Variants in PIGT observed in about 807,000 individuals in gnomAD.
PIGT encodes the protein phosphatidylinositol glycan anchor biosynthesis class T, also known as GPI-anchor transamidase component PIGT.
PIGT carries 57 observed loss-of-function variants against 66.7 expected under a neutral mutation model. That is an observed-to-expected ratio of 0.86 (90% CI 0.69 to 1.07). PIGT has a LOEUF of 1.07. Among genes scored for constraint, PIGT ranks in the 50% least tolerant of loss-of-function variants. The pLI is 0.00. For missense variants in PIGT, 725 were observed against 740.4 expected, an observed-to-expected ratio of 0.98 and a Z score of 0.24; for synonymous variants, 362 against 320.5, an observed-to-expected ratio of 1.13 and a Z score of -1.38.
rs772688511 is a variant in PIGT at position 45,416,235 on chromosome 20, C to A, written c.79C>A (p.Arg27Ser). ...PGGWCLAEPP[R>S]DSLREELVIT... ...CGGCTGGTGCCTTGCAGAACCCCCACGCGACAGCCTGCGGGAGGAACTTGT... is the reference window on the plus strand; with the variant it reads ...CGGCTGGTGCCTTGCAGAACCCCCAAGCGACAGCCTGCGGGAGGAACTTGT... The change falls in exon 1 of 12, where the codon CGC becomes AGC. Residue 27 changes from arginine (R) to serine (S), a missense_variant. Arg to Ser is a moderately radical substitution (Grantham distance 110). Transcript: ENST00000279036. The A allele has an allele frequency of 1.9e-5, 31 of 1,597,050 alleles. No individual in the cohort carries two copies. Among genetic ancestry groups the A allele is most frequent in the Non-Finnish European group, 2.4e-5 (28 of 1,172,366 alleles).
At chr20:45,423,777 C>T in intron 9 of PIGT, 1 of 160,318 alleles carries the variant, frequency 6.2e-6, no homozygotes, top group Non-Finnish European at 1.4e-5. Flanking sequence ...GTTCCACATT[C>T]TGGGTTTGTC....
rs141198457 is a variant in PIGT at position 45,424,824 on chromosome 20, C to T, written c.1484+245C>T. 3 of 548,310 alleles carry T rather than the reference C, an allele frequency of 5.5e-6. No individual in the cohort carries two copies. The South Asian group carries it at 6.3e-5, about 12-fold the overall frequency. 34.0% of individuals were successfully genotyped at this position (548,310 alleles called of 1,614,324 possible). A position where few individuals can be genotyped will look rare whatever the true frequency, so the allele number is the denominator to read the frequency against. On this transcript the variant is annotated intron_variant, in intron 11 of 11. Coordinates refer to ENST00000279036, the MANE Select transcript of PIGT (RefSeq NM_015937.6). The stretch of plus-strand genomic sequence containing the variant: ...CAGCCTACATTTACTTCTTGATGCT[C>T]TTAAATATTTAATCAAGCACTTATC...
Position 45,419,319 on chromosome 20 carries a change from A to G in PIGT, c.518A>G (p.Tyr173Cys). The G allele has an allele frequency of 6.2e-7, 1 of 1,614,082 alleles. No individual in the cohort carries two copies. Among genetic ancestry groups the G allele is most frequent in the Non-Finnish European group, 8.5e-7 (1 of 1,179,956 alleles). ...GACACTGACCACTACTTTCTGCGCTATGCTGTGCTGCCGCGGGAGGTGGTC... is the reference window on the plus strand; with the variant it reads ...GACACTGACCACTACTTTCTGCGCTGTGCTGTGCTGCCGCGGGAGGTGGTC... ...ANDTDHYFLR[Y>C]AVLPREVVCT... Residue 173 changes from tyrosine to cysteine, a missense_variant, in exon 4 of 12, where the codon TAT (tyrosine) becomes TGT (cysteine). Around this residue, in one of 3 missense-constraint regions of PIGT, gnomAD observed 559 missense variants for 552.7 expected, o/e 1.01. Transcript: ENST00000279036.
At position 45,416,322 on chromosome 20, in the gene PIGT, T is replaced by A; in HGVS notation, c.166T>A (p.Ser56Thr). 6.3e-7 allele frequency: 1 copy of A among 1,592,420 alleles called. No homozygotes were observed. The highest frequency in any genetic ancestry group is 1.1e-5 in the South Asian group (1 of 88,532). Residue 56 changes from serine (S) to threonine (T), a missense_variant, in exon 1 of 12, where the codon TCG (serine) becomes ACG (threonine). This residue lies in a region of PIGT where 559 missense variants were observed against 552.7 expected (regional missense o/e 1.01). Transcript: ENST00000279036. ...ATFQFRTRWD[S>T]ELQREGVSHY... ...ATTCCAGTTCCGCACGCGCTGGGAT[T>A]CGGAGCTTCAGCGGGAAGGAGGTGA...
chr20:45,424,381 G>C lies in PIGT; in HGVS notation c.1400G>C (p.Ser467Thr). ...GATCCTAACCATGGCTTCTATGTCAGGTGGGCTCCACCCCCACAGGCCACC... is the reference window on the plus strand; with the variant it reads ...GATCCTAACCATGGCTTCTATGTCACGTGGGCTCCACCCCCACAGGCCACC... ...TPDPNHGFYV[S>T]PSVLSALVPS... The change falls in exon 10 of 12, where the codon AGC becomes ACC. Residue 467 changes from serine (S) to threonine (T), a missense_variant and splice_region_variant. This residue lies in a region of PIGT where 162 missense variants were observed against 171.1 expected (regional missense o/e 0.95). Coordinates refer to ENST00000279036, the MANE Select transcript of PIGT (RefSeq NM_015937.6). The C allele has an allele frequency of 6.2e-7, 1 of 1,614,078 alleles. No homozygotes were observed. The highest frequency in any genetic ancestry group is 8.5e-7 in the Non-Finnish European group (1 of 1,179,954).
rs576252021 is a variant in PIGT at position 45,426,138 on chromosome 20, C to T, written c.*312C>T. 4 of 417,572 alleles carry T rather than the reference C, an allele frequency of 9.6e-6. No individual in the cohort carries two copies. Among genetic ancestry groups the T allele is most frequent in the East Asian group, 4.6e-5 (1 of 21,654 alleles). 25.9% of individuals were successfully genotyped at this position (417,572 alleles called of 1,614,324 possible). ...AAGATTTCCATCACCACAGAAAGGT[C>T]GGCTGGCAGCACTGGCCAAGGTGAT... On this transcript the variant is annotated 3_prime_UTR_variant, in exon 12 of 12. Coordinates refer to ENST00000279036, the MANE Select transcript of PIGT (RefSeq NM_015937.6).
chr20:45,419,423 G>A, intron 4 of PIGT, 28 bp downstream of exon 4: 1 of 1,573,566 alleles, frequency 6.4e-7, no homozygotes, highest in Non-Finnish European at 8.6e-7. Context: ...GGCAGCCGGG[G>A]GCGGGGGGTG....
Position 45,424,236 on chromosome 20 carries a change from G to C in PIGT, c.1255G>C (p.Ala419Pro). Reference protein sequence around the residue: ...NKPSYIHYQPAQDRLQPHLLE... With the variant: ...NKPSYIHYQPPQDRLQPHLLE... ...TCCAGGTTACATCCACTACCAGCCT[G>C]CCCAGGACCGGCTGCAACCCCACCT... The change falls in exon 10 of 12, where the codon GCC becomes CCC. Residue 419 changes from alanine (A) to proline (P), a missense_variant. Ala to Pro is a conservative substitution (Grantham distance 27). Transcript: ENST00000279036. The C allele has an allele frequency of 6.2e-7, 1 of 1,614,164 alleles. No homozygotes were observed. The highest frequency in any genetic ancestry group is 2.2e-5 in the East Asian group (1 of 44,886).
chr20:45,416,463 G>A lies in PIGT; in HGVS notation c.188-54G>A, dbSNP rs538255371. 3.3e-5 allele frequency: 52 copies of A among 1,587,894 alleles called. No individual in the cohort carries two copies. In the African/African-American group the frequency reaches 6.8e-4, roughly 21 times the overall value. On this transcript the variant is annotated intron_variant, in intron 1 of 11. Coordinates refer to ENST00000279036, the MANE Select transcript of PIGT (RefSeq NM_015937.6). ...TTCCTGGGTAGAGTTCGGGATCCTG[G>A]GTGTGGACCCCGACGAGGTGGGGAT...
rs374558790 is a variant in PIGT at position 45,425,664 on chromosome 20, C to G, written c.1575C>G (p.Pro525=). Residue 525 remains proline, a synonymous_variant, in exon 12 of 12, where the codon CCC becomes CCG. Transcript: ENST00000279036. The part of the protein sequence containing the change: ...VNLPTPDFSM[P]YNVICLTCTV... ...TGCCGACACCGGACTTCAGCATGCC[C>G]TACAACGTGATCTGCCTCACGTGCA... The G allele has an allele frequency of 5.9e-5, 95 of 1,614,050 alleles. No individual in the cohort carries two copies. Among genetic ancestry groups the G allele is most frequent in the Non-Finnish European group, 8.0e-5 (94 of 1,180,028 alleles).
At chr20:45,423,444 A>G (rs1990508267) in intron 9 of PIGT, 1 of 151,750 alleles carries the variant, frequency 6.6e-6, no homozygotes, top group East Asian at 2.0e-4. Flanking sequence ...GGTCAAGGCT[A>G]TAGTGAGCCA....
chr20:45,416,861 C>A, intron 2 of PIGT, 167 bp downstream of exon 2: 1 of 581,826 alleles, frequency 1.7e-6, no homozygotes, highest in Non-Finnish European at 2.8e-6. Context: ...GAATAAACTT[C>A]CCAATCCTAA....
intron 9 of PIGT, chr20:45,422,591 C>T (rs1162031801): frequency 6.6e-6 from 1 of 152,038 alleles, no homozygotes; most frequent in African/African-American, 2.4e-5. Context: ...AGGCATGAAC[C>T]GCCATGCCTT....
intron 9 of PIGT, chr20:45,421,928 G>A (rs139456850): frequency 2.7e-5 from 5 of 184,284 alleles, no homozygotes; most frequent in South Asian, 1.8e-4. Context: ...GTTTGGCAAC[G>A]TTAGGCTTTT....
chr20:45,421,396 G>A lies in PIGT; in HGVS notation c.1047G>A (p.Val349=), dbSNP rs1990354977. The A allele has an allele frequency of 6.2e-7, 1 of 1,613,612 alleles. No homozygotes were observed. Among genetic ancestry groups the A allele is most frequent in the African/African-American group, 1.3e-5 (1 of 74,920 alleles). ...KRPPENEAPP[V]PFLHAQRYVS... ...TTCTTTACACAGAGGCCCCCCCAGTGCCCTTCCTGCATGCCCAGCGGTACG... is the reference window on the plus strand; with the variant it reads ...TTCTTTACACAGAGGCCCCCCCAGTACCCTTCCTGCATGCCCAGCGGTACG... The change falls in exon 9 of 12, where the codon GTG becomes GTA. Residue 349 remains valine (V), a synonymous_variant. Coordinates refer to ENST00000279036, the MANE Select transcript of PIGT (RefSeq NM_015937.6).
At chr20:45,418,072 A>G (rs1264722317) in intron 2 of PIGT, 1 of 152,408 alleles carries the variant, frequency 6.6e-6, no homozygotes, top group Admixed American at 6.5e-5. Flanking sequence ...CTGAGAGCAA[A>G]TCTCTTTTGA....
chr20:45,418,533 G>A (rs1180257777), intron 2 of PIGT: 2 of 362,512 alleles, frequency 5.5e-6, no homozygotes, highest in Non-Finnish European at 1.1e-5. Flanking sequence ...TCGTGGAGGG[G>A]AGGTAAGCAC....
Position 45,421,498 on chromosome 20 carries a change from G to A in PIGT, c.1149G>A (p.Val383=). 1 of 1,614,158 alleles carries A rather than the reference G, an allele frequency of 6.2e-7. No homozygotes were observed. Among genetic ancestry groups the A allele is most frequent in the African/African-American group, 1.3e-5 (1 of 75,054 alleles). ...YNTHPYRAFP[V]LLLDTVPWYL... Reference sequence around the variant, plus strand: ...CCCACCCATACCGGGCCTTCCCGGTGCTGCTGCTGGACACCGTACCCTGGT... The same window carrying A: ...CCCACCCATACCGGGCCTTCCCGGTACTGCTGCTGGACACCGTACCCTGGT... The change falls in exon 9 of 12, where the codon GTG becomes GTA. Residue 383 remains valine (V), a synonymous_variant. Coordinates refer to ENST00000279036, the MANE Select transcript of PIGT (RefSeq NM_015937.6).
chr20:45,417,780 G>A (rs761250217), intron 2 of PIGT: 13 of 152,180 alleles, frequency 8.5e-5, no homozygotes, highest in Admixed American at 2.6e-4. Context: ...AGAGCTTTCC[G>A]GCTTCAAGTT....
Sources: gnomAD v4.1 joint callset for allele counts on GRCh38, gnomAD v4.1.1 for gene constraint, gnomAD v4.1.1 regional missense constraint, MANE v1.5 for transcripts, NCBI Gene and HGNC (gene_info 2026-07-23, HGNC 2026-07-21) for gene names.